TMEM150C: variants seen among roughly 807,000 people sequenced by gnomAD.
The protein encoded by TMEM150C is transmembrane protein 150C.
A neutral mutation model predicts 29.9 loss-of-function variants in TMEM150C; 10 were observed. The ratio of observed to expected loss-of-function variants is 0.33; its 90% CI spans 0.21 to 0.57. TMEM150C has a LOEUF of 0.57. Ranked by LOEUF, TMEM150C falls within the 20% of genes least tolerant of loss-of-function variation. The pLI is 0.88. For synonymous variants in TMEM150C, 101 were observed against 112.5 expected (o/e 0.90, Z 0.64); for missense variants, 251 against 303.6 (o/e 0.83, Z 1.29).
chr4:82,538,573 A>G (rs1016442062), intron 1 of TMEM150C, among the ~76,000 whole-genome samples: 2 of 152,208 alleles, frequency 1.3e-5, no homozygotes, highest in Admixed American at 6.5e-5. Context: ...TACATATGAT[A>G]TATACTTATT....
At chr4:82,491,814 C>T (rs1241053195) in intron 6 of TMEM150C, among the ~76,000 whole-genome samples, 1 of 150,332 alleles carries the variant, frequency 6.7e-6, no homozygotes, top group Non-Finnish European at 1.5e-5. Context: ...TATATATTTA[C>T]TGATGGAGGA....
At chr4:82,523,823 G>A (rs933134478) in intron 1 of TMEM150C, among the ~76,000 whole-genome samples, 13 of 151,678 alleles carry the variant, frequency 8.6e-5, no homozygotes, top group South Asian at 4.2e-4. Flanking sequence ...GATTATAGGC[G>A]CCTGCCGCCA....
intron 1 of TMEM150C, among the ~76,000 whole-genome samples, chr4:82,530,105 TAG>T (rs1215361548): frequency 6.7e-6 from 1 of 149,052 alleles, no homozygotes; most frequent in South Asian, 2.2e-4. Context: ...TCTCTCTCTC[TAG>T]AGAGAGAGAG....
intron 1 of TMEM150C, among the ~76,000 whole-genome samples, chr4:82,519,024 A>G (rs759547035): frequency 1.6e-4 from 25 of 152,192 alleles, no homozygotes; most frequent in Non-Finnish European, 3.4e-4. Flanking sequence ...AAGTTGAACC[A>G]TTAGCATTCT....
chr4:82,517,108 G>A (rs1724319569), intron 1 of TMEM150C, among the ~76,000 whole-genome samples: 2 of 152,208 alleles, frequency 1.3e-5, no homozygotes, highest in African/African-American at 4.8e-5. Context: ...CGTGAAAGGT[G>A]ACCCAATGTA....
chr4:82,491,936 GTT>G, intron 6 of TMEM150C, among the ~76,000 whole-genome samples: 1 of 142,180 alleles, frequency 7.0e-6, no homozygotes, highest in African/African-American at 2.6e-5. Flanking sequence ...ACTAATTCTT[GTT>G]TTTTTTTTTG....
intron 1 of TMEM150C, among the ~76,000 whole-genome samples, chr4:82,547,946 T>C (rs1483707352): frequency 6.6e-6 from 1 of 152,170 alleles, no homozygotes; most frequent in Non-Finnish European, 1.5e-5. Flanking sequence ...AGACATGGAA[T>C]CAACCTAGGT....
intron 1 of TMEM150C, among the ~76,000 whole-genome samples, chr4:82,510,277 T>TCAAAAA (rs1449666608): frequency 1.3e-5 from 2 of 151,758 alleles, no homozygotes; most frequent in Admixed American, 6.6e-5. Context: ...AGACTCTATC[T>TCAAAAA]CAAAAACAAA....
At chr4:82,516,952 T>C (rs997338310) in intron 1 of TMEM150C, among the ~76,000 whole-genome samples, 4 of 152,132 alleles carry the variant, frequency 2.6e-5, no homozygotes, top group Admixed American at 2.0e-4. Context: ...CCAGAAGAAC[T>C]AATCAACAAC....
intron 1 of TMEM150C, among the ~76,000 whole-genome samples, chr4:82,542,500 G>C (rs1282895033): frequency 1.3e-5 from 2 of 152,234 alleles, no homozygotes; most frequent in Non-Finnish European, 2.9e-5. Context: ...CCTTGTGAAA[G>C]TGAAGTGCAG....
At chr4:82,501,839 G>A (rs1723745770) in intron 5 of TMEM150C, among the ~76,000 whole-genome samples, 1 of 151,970 alleles carries the variant, frequency 6.6e-6, no homozygotes, top group African/African-American at 2.4e-5. Context: ...ACTTCTTTGG[G>A]AGACACGTCC....
intron 1 of TMEM150C, among the ~76,000 whole-genome samples, chr4:82,529,613 G>A (rs1263374691): frequency 6.6e-6 from 1 of 152,100 alleles, no homozygotes; most frequent in East Asian, 1.9e-4. Context: ...TGAAGGTCAA[G>A]GAGTGGTCAA....
At chr4:82,502,847 C>T in intron 4 of TMEM150C, 48 bp downstream of exon 4, 1 of 1,589,858 alleles carries the variant, frequency 6.3e-7, no homozygotes, top group East Asian at 2.3e-5. Flanking sequence ...TATAATCCTC[C>T]TAACTTTTCC....
At chr4:82,548,528 CA>C (rs1263670168) in intron 1 of TMEM150C, among the ~76,000 whole-genome samples, 1 of 152,160 alleles carries the variant, frequency 6.6e-6, no homozygotes, top group African/African-American at 2.4e-5. Flanking sequence ...CCTTTCTGAG[CA>C]TGCTGCAGTC....
intron 2 of TMEM150C, among the ~76,000 whole-genome samples, chr4:82,504,180 A>G (rs1723825378): frequency 6.6e-6 from 1 of 152,080 alleles, no homozygotes. Context: ...GTATTTATAA[A>G]TACAGTCATA....
chr4:82,486,170 T>C (rs1030435702), intron 7 of TMEM150C, among the ~76,000 whole-genome samples: 2 of 151,904 alleles, frequency 1.3e-5, no homozygotes, highest in African/African-American at 4.8e-5. Context: ...TCAATAGCTG[T>C]ACTCTGTAGC....
In TMEM150C at chr4:82,485,450, T is replaced by G. The variant is rs984897292; in HGVS notation, c.*61A>C. 2.4e-6 allele frequency: 3 copies of G among 1,273,520 alleles called. No homozygotes were observed. Among genetic ancestry groups the G allele is most frequent in the African/African-American group, 3.0e-5 (2 of 67,364 alleles). 78.9% of individuals were successfully genotyped at this position (1,273,520 alleles called of 1,614,324 possible). A position where few individuals can be genotyped will look rare whatever the true frequency, so the allele number is the denominator to read the frequency against. ...GGTTCTATGTCAAGTCCTGTGAGTG[T>G]GTCCTACTGGCCCCTCCCCCACTGT... On this transcript the variant is annotated 3_prime_UTR_variant, in exon 8 of 8. Coordinates refer to ENST00000449862, the MANE Select transcript of TMEM150C (RefSeq NM_001080506.3).
chr4:82,523,511 A>G (rs1724555106), intron 1 of TMEM150C, among the ~76,000 whole-genome samples: 1 of 152,178 alleles, frequency 6.6e-6, no homozygotes, highest in Non-Finnish European at 1.5e-5. Context: ...AGAAGGCTGC[A>G]GGAATCGCCA....
At chr4:82,525,719 C>G (rs560694340) in intron 1 of TMEM150C, among the ~76,000 whole-genome samples, 32 of 152,166 alleles carry the variant, frequency 2.1e-4, no homozygotes, top group Admixed American at 1.7e-3. Flanking sequence ...CAAGACAAGT[C>G]CCTAAATTCT....
Sources: allele counts gnomAD v4.1 joint callset (sites outside exome capture counted in the v4.1 genomes callset), GRCh38; gene constraint gnomAD v4.1.1; transcripts MANE v1.5; gene names NCBI Gene and HGNC (gene_info 2026-07-23, HGNC 2026-07-21).